Variants in ZNF582 observed in about 807,000 individuals in gnomAD.
The protein encoded by ZNF582 is zinc finger protein 582.
A neutral mutation model predicts 12.3 loss-of-function variants in ZNF582; 14 were observed. That is an observed-to-expected ratio of 1.14 (90% CI 0.75 to 1.78). The LOEUF (loss-of-function observed/expected upper bound fraction) is 1.78. Ranked by LOEUF, ZNF582 falls within the 40% of genes most tolerant of loss-of-function variation. The probability of loss-of-function intolerance (pLI) is 0.00; values close to 1 mark genes in which losing one functional copy is unlikely to be tolerated. For missense variants in ZNF582, 567 were observed against 616.5 expected (o/e 0.92, Z 0.85); for synonymous variants, 210 against 207.2 (o/e 1.01, Z -0.11).
At chr19:56,393,139 T>C in intron 1 of ZNF582, 81 bp downstream of exon 1, 3 of 1,006,174 alleles carry the variant, frequency 3.0e-6, no homozygotes, top group South Asian at 1.4e-5. Context: ...TCCTCTCAGA[T>C]TAAAAAAAAA....
At chr19:56,393,082 G>A in intron 1 of ZNF582, 138 bp downstream of exon 1, 1 of 661,254 alleles carries the variant, frequency 1.5e-6, no homozygotes, top group African/African-American at 1.9e-5. Context: ...GCGGTTCTAA[G>A]TCTTCTGGGG....
exon 5 of ZNF582, chr19:56,384,479 C>A (rs777669979): frequency 6.2e-7 from 1 of 1,605,258 alleles, no homozygotes; most frequent in Non-Finnish European, 8.5e-7. Context: ...ACATTCCTTG[C>A]ATGCATAGGG....
chr19:56,383,952 T>C (rs1445923672), exon 5 of ZNF582: 3 of 1,613,554 alleles, frequency 1.9e-6, no homozygotes, highest in African/African-American at 1.3e-5. Context: ...TAACTGCTGA[T>C]GGAAGGCTTT....
At chr19:56,390,580 C>T (rs980315103) in intron 2 of ZNF582, 79 bp from the exon 3 acceptor site, 12 of 1,507,672 alleles carry the variant, frequency 8.0e-6, no homozygotes, top group Middle Eastern at 1.7e-4. Context: ...CAGGTCTTTG[C>T]GGGAGGGGGG....
exon 5 of ZNF582, chr19:56,384,700 A>C (rs776514466): frequency 1.9e-6 from 3 of 1,612,326 alleles, no homozygotes; most frequent in Non-Finnish European, 2.5e-6. Context: ...TAAAATTTGA[A>C]CCAGAATTGA....
intron 4 of ZNF582, chr19:56,387,682 C>G (rs1379586933): frequency 2.6e-5 from 4 of 152,228 alleles, no homozygotes; most frequent in Admixed American, 6.5e-5. Context: ...ACTACAACCT[C>G]AAACTCCTAG....
intron 4 of ZNF582, among the ~76,000 whole-genome samples, chr19:56,385,830 A>G (rs2041961757): frequency 6.6e-6 from 1 of 152,218 alleles, no homozygotes; most frequent in African/African-American, 2.4e-5. Flanking sequence ...AGGGAGCACA[A>G]GGGAACTTTT....
At chr19:56,389,133 CTT>C (rs973076656) in intron 4 of ZNF582, among the ~76,000 whole-genome samples, 3 of 152,212 alleles carry the variant, frequency 2.0e-5, no homozygotes, top group Admixed American at 2.0e-4. Context: ...TGAACCTGTT[CTT>C]TTTCTTTCAC....
chr19:56,383,934 G>C (rs144691406), exon 5 of ZNF582: 1 of 1,611,330 alleles, frequency 6.2e-7, no homozygotes, highest in Non-Finnish European at 8.5e-7. Context: ...CTGATGATTA[G>C]TAAGGGGTAA....
intron 4 of ZNF582, among the ~76,000 whole-genome samples, chr19:56,387,110 A>G (rs2041973028): frequency 6.6e-6 from 1 of 152,214 alleles, no homozygotes; most frequent in Admixed American, 6.5e-5. Context: ...GATACTACTC[A>G]TTTCAGTATA....
At chr19:56,383,531 T>G in exon 5 of ZNF582, 1 of 184,626 alleles carries the variant, frequency 5.4e-6, no homozygotes, top group Non-Finnish European at 1.1e-5. Context: ...TTCATTACCA[T>G]TTATGGTAAT....
chr19:56,388,833 A>T (rs954446111), intron 4 of ZNF582, among the ~76,000 whole-genome samples: 8 of 152,070 alleles, frequency 5.3e-5, no homozygotes, highest in Non-Finnish European at 1.0e-4. Flanking sequence ...AGGTTTCACC[A>T]TGTTGGCCAG....
chr19:56,387,126 G>A (rs935821155), intron 4 of ZNF582, among the ~76,000 whole-genome samples: 5 of 152,204 alleles, frequency 3.3e-5, no homozygotes, highest in African/African-American at 1.2e-4. Flanking sequence ...GTATATATGA[G>A]TGCTGTATTT....
At chr19:56,387,961 T>G (rs2147511890) in intron 4 of ZNF582, among the ~76,000 whole-genome samples, 1 of 152,362 alleles carries the variant, frequency 6.6e-6, no homozygotes, top group East Asian at 1.9e-4. Context: ...ATTTATGACC[T>G]ACTAGTCATA....
exon 1 of ZNF582, chr19:56,393,398 C>G: frequency 1.6e-6 from 1 of 614,346 alleles, no homozygotes; most frequent in Non-Finnish European, 2.7e-6. Flanking sequence ...GGCACCAGCT[C>G]CTGCTGGACC....
rs766606441 is a variant in ZNF582 at position 56,384,460 on chromosome 19, G to T, written c.957C>A (p.Thr319=). 8.1e-6 allele frequency: 13 copies of T among 1,600,618 alleles called. No individual in the cohort carries two copies. In the Admixed American group the frequency reaches 2.2e-4, roughly 27 times the overall value. Residue 319 remains threonine, a synonymous_variant, in exon 5 of 5, where the codon ACC becomes ACA. Coordinates refer to ENST00000586929, the Ensembl canonical transcript of ZNF582. ...GAATCAACTGAGAACGATGACTAAAGGTTTTCCCACATTCCTTGCATGCAT... is the reference window on the plus strand; with the variant it reads ...GAATCAACTGAGAACGATGACTAAATGTTTTCCCACATTCCTTGCATGCAT...
intron 1 of ZNF582, among the ~76,000 whole-genome samples, chr19:56,392,245 C>T (rs1425757683): frequency 2.0e-5 from 3 of 152,246 alleles, no homozygotes; most frequent in African/African-American, 7.2e-5. Flanking sequence ...CTCTCTCCTG[C>T]AGCAAATATA....
exon 1 of ZNF582, chr19:56,393,294 C>A: frequency 8.1e-7 from 1 of 1,236,272 alleles, no homozygotes; most frequent in Non-Finnish European, 1.0e-6. Flanking sequence ...CCGCGAGGGC[C>A]GGCGGGAAAT....
chr19:56,393,382 G>T, exon 1 of ZNF582: 1 of 732,074 alleles, frequency 1.4e-6, no homozygotes, highest in Non-Finnish European at 2.1e-6. Flanking sequence ...AGACCCAACC[G>T]GCCCGGGCAC....
Sources: gnomAD v4.1 joint callset for allele counts (sites outside exome capture counted in the v4.1 genomes callset) on GRCh38, gnomAD v4.1.1 for gene constraint, MANE v1.5 for transcripts, NCBI Gene and HGNC (gene_info 2026-07-23, HGNC 2026-07-21) for gene names.